The following PRKN variants were observed in gnomAD, a reference collection of about 807,000 sequenced individuals.
PRKN encodes parkin RBR E3 ubiquitin protein ligase.
A neutral mutation model predicts 59.5 loss-of-function variants in PRKN; 56 were observed. The ratio of observed to expected loss-of-function variants is 0.94; its 90% CI spans 0.76 to 1.18. The LOEUF is 1.18. PRKN is among the 50% of genes most tolerant of loss of function. The probability of loss-of-function intolerance (pLI) is 0.00; values close to 1 mark genes in which losing one functional copy is unlikely to be tolerated. For missense variants in PRKN, 657 were observed against 596.4 expected, an observed-to-expected ratio of 1.10 and a Z score of -1.06; for synonymous variants, 250 against 222.1, an observed-to-expected ratio of 1.13 and a Z score of -1.12.
intron 2 of PRKN, among the ~76,000 whole-genome samples, chr6:162,430,127 C>T (rs1223669180): frequency 6.6e-6 from 1 of 151,588 alleles, no homozygotes; most frequent in Non-Finnish European, 1.5e-5. Context: ...GACAGTGCCT[C>T]CTGGATGCAG....
At chr6:162,104,401 A>G (rs2128300218) in intron 4 of PRKN, among the ~76,000 whole-genome samples, 1 of 152,320 alleles carries the variant, frequency 6.6e-6, no homozygotes, top group Non-Finnish European at 1.5e-5. Context: ...GTTTGGCCAC[A>G]CATATTAATA....
At chr6:161,492,172 A>T (rs1777584831) in intron 9 of PRKN, among the ~76,000 whole-genome samples, 1 of 152,220 alleles carries the variant, frequency 6.6e-6, no homozygotes, top group Non-Finnish European at 1.5e-5. Flanking sequence ...GTTAATTATT[A>T]TAATGATGAG....
At chr6:162,202,611 C>A (rs1784777679) in intron 3 of PRKN, among the ~76,000 whole-genome samples, 1 of 152,130 alleles carries the variant, frequency 6.6e-6, no homozygotes, top group Admixed American at 6.5e-5. Flanking sequence ...TAATGTACAA[C>A]ATATTCAAGT....
intron 4 of PRKN, among the ~76,000 whole-genome samples, chr6:162,183,136 G>C (rs1222355813): frequency 5.9e-5 from 9 of 152,160 alleles, no homozygotes; most frequent in Non-Finnish European, 1.3e-4. Flanking sequence ...CAGAAGCACG[G>C]TGCTACCTTC....
chr6:162,263,756 A>G (rs1475127311), intron 2 of PRKN, among the ~76,000 whole-genome samples: 1 of 150,366 alleles, frequency 6.7e-6, no homozygotes, highest in Non-Finnish European at 1.5e-5. Context: ...GAGTTCGAGA[A>G]GAGCCTGACC....
chr6:162,660,119 T>C (rs1339604165), intron 1 of PRKN, among the ~76,000 whole-genome samples: 2 of 152,282 alleles, frequency 1.3e-5, no homozygotes, highest in Admixed American at 6.5e-5. Context: ...ACAAAATAGC[T>C]TCCTTCAACA....
At position 161,785,997 on chromosome 6, in the gene PRKN, G is replaced by A. The variant is rs570965774; in HGVS notation, c.735-89C>T. The stretch of plus-strand genomic sequence containing the variant: ...TAGACCAATTTCTGTAATCCTGGAG[G>A]GTTGTGTAGACTGTGCTCTGTGCAA... On this transcript the variant is annotated intron_variant, in intron 6 of 11. Coordinates refer to ENST00000366898, the MANE Select transcript of PRKN (RefSeq NM_004562.3). The A allele has an allele frequency of 2.4e-5, 32 of 1,329,076 alleles. 1 individual carries two copies. The South Asian group carries it at 3.6e-4, about 15-fold the overall frequency. The allele number at this position is 1,329,076 out of a possible 1,614,324, so 82.3% of individuals were successfully genotyped here.
intron 6 of PRKN, among the ~76,000 whole-genome samples, chr6:161,834,230 T>A (rs972138686): frequency 6.6e-6 from 1 of 151,906 alleles, no homozygotes; most frequent in South Asian, 2.1e-4. Context: ...AAAGTAGTAA[T>A]CCAAACACTT....
chr6:162,221,410 A>G (rs1405129856), intron 3 of PRKN, among the ~76,000 whole-genome samples: 1 of 152,210 alleles, frequency 6.6e-6, no homozygotes, highest in South Asian at 2.1e-4. Context: ...CAGTAATAAG[A>G]TATTCCTGAA....
At chr6:162,324,742 G>A (rs1022659410) in intron 2 of PRKN, among the ~76,000 whole-genome samples, 3 of 152,016 alleles carry the variant, frequency 2.0e-5, no homozygotes, top group African/African-American at 7.3e-5. Flanking sequence ...ACAAATATGT[G>A]TGTATATGTG....
intron 4 of PRKN, among the ~76,000 whole-genome samples, chr6:162,190,811 C>T (rs1035022575): frequency 7.2e-5 from 11 of 152,174 alleles, no homozygotes; most frequent in African/African-American, 2.7e-4. Flanking sequence ...CTACTAAATT[C>T]TATTTATGTT....
chr6:162,404,917 T>C (rs1181513433), intron 2 of PRKN, among the ~76,000 whole-genome samples: 6 of 152,170 alleles, frequency 3.9e-5, no homozygotes, highest in African/African-American at 1.2e-4. Context: ...TTTAGCAGCA[T>C]AGAATCCAAC....
At chr6:162,375,762 CACAA>C (rs1336932473) in intron 2 of PRKN, among the ~76,000 whole-genome samples, 5 of 151,816 alleles carry the variant, frequency 3.3e-5, no homozygotes, top group South Asian at 2.1e-4. Flanking sequence ...CACACACACA[CACAA>C]ACACACACCC....
chr6:162,727,336 A>AAGGTGAGGGGCGGCGGCGGGGG (rs1779298062), intron 1 of PRKN: 2 of 275,112 alleles, frequency 7.3e-6, no homozygotes, highest in Non-Finnish European at 1.3e-5. Context: ...GGCGGCGGGG[A>AAGGTGAGGGGCGGCGGCGGGGG]GAAGGCTTCG....
intron 4 of PRKN, among the ~76,000 whole-genome samples, chr6:162,103,104 A>C (rs1780047321): frequency 6.6e-6 from 1 of 151,966 alleles, no homozygotes; most frequent in Admixed American, 6.6e-5. Context: ...GTATTAGCTA[A>C]AATAAAATGG....
rs369123051 is a variant in PRKN, at chr6:161,697,577, G to A, written c.871+88195C>T. The stretch of plus-strand genomic sequence containing the variant: ...TTGTTGTTGGTTAATTTGCTCCTCT[G>A]AACTGATAGTATGTAAAACAGTATT... On this transcript the variant is annotated intron_variant, in intron 7 of 11. Transcript: ENST00000366898. Among the ~76,000 whole-genome samples, 262 of 152,178 alleles carry A rather than the reference G, an allele frequency of 1.7e-3. 1 individual carries two copies. Among genetic ancestry groups the A allele is most frequent in the African/African-American group, 6.2e-3 (257 of 41,530 alleles).
rs1057083178 is a variant in PRKN, at chr6:161,838,806, C to T, written c.735-52898G>A. Among the ~76,000 whole-genome samples the T allele has an allele frequency of 3.9e-5, 6 of 152,168 alleles. No homozygotes were observed. The East Asian group carries it at 5.8e-4, about 15-fold the overall frequency. ...GCTCTTGCAGCTTTCACCCTGAGCTCGCCCTGCGCCAGGGCAGCCAGTCAT... is the reference window on the plus strand; with the variant it reads ...GCTCTTGCAGCTTTCACCCTGAGCTTGCCCTGCGCCAGGGCAGCCAGTCAT... On this transcript the variant is annotated intron_variant, in intron 6 of 11. Coordinates refer to ENST00000366898, the MANE Select transcript of PRKN (RefSeq NM_004562.3).
In PRKN at chr6:161,515,796, A is replaced by G. The variant is rs556488707; in HGVS notation, c.1083+33058T>C. Reference sequence around the variant, plus strand: ...CTCAAGGTTCTTCTTATGGGATTTTAGTCCATGGCAATCACCACCATTTGA... The same window carrying G: ...CTCAAGGTTCTTCTTATGGGATTTTGGTCCATGGCAATCACCACCATTTGA... On this transcript the variant is annotated intron_variant, in intron 9 of 11. Transcript: ENST00000366898. Among the ~76,000 whole-genome samples the G allele has an allele frequency of 2.6e-5, 4 of 152,306 alleles. No homozygotes were observed. The East Asian group carries it at 5.8e-4, about 22-fold the overall frequency.
chr6:161,903,616 C>T (rs1016232155), intron 6 of PRKN, among the ~76,000 whole-genome samples: 3 of 152,010 alleles, frequency 2.0e-5, no homozygotes, highest in African/African-American at 7.2e-5. Context: ...AGACAGAGGA[C>T]ATGAGCTCAT....
Sources: gnomAD v4.1 joint callset for allele counts (sites outside exome capture counted in the v4.1 genomes callset) on GRCh38, gnomAD v4.1.1 for gene constraint, MANE v1.5 for transcripts, NCBI Gene and HGNC (gene_info 2026-07-23, HGNC 2026-07-21) for gene names.